MYRIP: variants seen among roughly 807,000 people sequenced by gnomAD.
MYRIP encodes rab effector MyRIP.
A neutral mutation model predicts 98.0 loss-of-function variants in MYRIP; 49 were observed. That is an observed-to-expected ratio of 0.50 (90% confidence interval 0.40 to 0.63). MYRIP has a LOEUF of 0.63. Among genes scored for constraint, MYRIP ranks in the 30% least tolerant of loss-of-function variants. The pLI is 0.00. For synonymous variants in MYRIP, 404 were observed against 409.5 expected, an observed-to-expected ratio of 0.99 and a Z score of 0.16; for missense variants, 1,004 against 1,058.2, an observed-to-expected ratio of 0.95 and a Z score of 0.71.
intron 1 of MYRIP, among the ~76,000 whole-genome samples, chr3:39,878,299 G>A (rs6790013): frequency 0.019 from 2,827 of 152,236 alleles, 86 homozygotes; most frequent in African/African-American, 0.064. Flanking sequence ...TGTGCTTCCC[G>A]AGTGAGGCAA....
intron 2 of MYRIP, among the ~76,000 whole-genome samples, chr3:40,024,831 A>G (rs56088590): frequency 0.015 from 2,247 of 152,292 alleles, 21 homozygotes; most frequent in Non-Finnish European, 0.02. Flanking sequence ...AGATGATCCA[A>G]TGGAGAGATG....
In MYRIP at chr3:39,842,985, C is replaced by T. The variant is rs544953029; in HGVS notation, c.-31+33069C>T. Among the ~76,000 whole-genome samples, 15 of 152,282 alleles carry T rather than the reference C, an allele frequency of 9.9e-5. No individual in the cohort carries two copies. In the East Asian group the frequency reaches 1.9e-3, roughly 20 times the overall value. On this transcript the variant is annotated intron_variant, in intron 1 of 16. Transcript: ENST00000302541. ...CTTTAATTATTTTTGAAGTTGCTAA[C>T]GTTAATTAAAGTTTGTGTCTGAACC...
intron 3 of MYRIP, among the ~76,000 whole-genome samples, chr3:40,116,798 AACCGTTAAAATG>A (rs1949292264): frequency 6.6e-6 from 1 of 152,264 alleles, no homozygotes; most frequent in South Asian, 2.1e-4. Flanking sequence ...GTATCCCAAA[AACCGTTAAAATG>A]ACTTGTTTAT....
intron 2 of MYRIP, among the ~76,000 whole-genome samples, chr3:40,034,461 C>T (rs1427868639): frequency 6.6e-6 from 1 of 151,818 alleles, no homozygotes; most frequent in Non-Finnish European, 1.5e-5. Context: ...AGCCAAAAGA[C>T]ACATGAAAAA....
intron 11 of MYRIP, among the ~76,000 whole-genome samples, chr3:40,215,518 G>A (rs1033996194): frequency 1.3e-5 from 2 of 152,124 alleles, no homozygotes; most frequent in African/African-American, 2.4e-5. Flanking sequence ...CAATCCTGGT[G>A]AATGGTGAAG....
intron 11 of MYRIP, among the ~76,000 whole-genome samples, chr3:40,230,216 G>C (rs1952610414): frequency 6.6e-6 from 1 of 152,158 alleles, no homozygotes; most frequent in Non-Finnish European, 1.5e-5. Flanking sequence ...TCTGGAGAAA[G>C]TCAGCTACCA....
In MYRIP at chr3:39,877,753, C is replaced by A. The variant is rs1254463632; in HGVS notation, c.-30-23034C>A. Among the ~76,000 whole-genome samples, 11 of 152,276 alleles carry A rather than the reference C, an allele frequency of 7.2e-5. 1 individual carries two copies. The highest frequency in any genetic ancestry group is 2.4e-4 in the African/African-American group (10 of 41,554). Reference sequence around the variant, plus strand: ...CATGTGAGGTGTCAGTCTGCCCCTACTGGGGGGTACCTCCCAGTTAGGCTG... The same window carrying A: ...CATGTGAGGTGTCAGTCTGCCCCTAATGGGGGGTACCTCCCAGTTAGGCTG... On this transcript the variant is annotated intron_variant, in intron 1 of 16. Coordinates refer to ENST00000302541, the MANE Select transcript of MYRIP (RefSeq NM_015460.4).
At chr3:40,004,011 A>G (rs1381563540) in intron 2 of MYRIP, among the ~76,000 whole-genome samples, 1 of 152,166 alleles carries the variant, frequency 6.6e-6, no homozygotes, top group Non-Finnish European at 1.5e-5. Flanking sequence ...CTTCTAGACA[A>G]GTTCAGAGAG....
At chr3:39,844,447 A>G (rs970506008) in intron 1 of MYRIP, among the ~76,000 whole-genome samples, 1 of 152,232 alleles carries the variant, frequency 6.6e-6, no homozygotes, top group African/African-American at 2.4e-5. Flanking sequence ...GTTGATTATG[A>G]GGAATTTCCC....
intron 3 of MYRIP, among the ~76,000 whole-genome samples, chr3:40,076,227 A>C (rs768127374): frequency 6.6e-6 from 1 of 152,090 alleles, no homozygotes; most frequent in Non-Finnish European, 1.5e-5. Context: ...AAAAATAAGA[A>C]ACTCCCAAAA....
At chr3:40,037,828 C>A (rs1947418051) in intron 2 of MYRIP, among the ~76,000 whole-genome samples, 1 of 152,084 alleles carries the variant, frequency 6.6e-6, no homozygotes, top group Non-Finnish European at 1.5e-5. Flanking sequence ...TTCTCTCTGG[C>A]TCACACTTTC....
At position 40,182,273 on chromosome 3, in the gene MYRIP, A is replaced by G. The variant is rs993877364; in HGVS notation, c.927A>G (p.Pro309=). ...GAGAAGAAGCCCTGAAGACCCCTCC[A>G]GTGGAGGCTCCATCGAGGCAGCCAA... The part of the protein sequence containing the change: ...ITGEEALKTP[P]VEAPSRQPRD... Residue 309 remains proline (P), a synonymous_variant, in exon 9 of 17, where the codon CCA becomes CCG. Transcript: ENST00000302541. 3.7e-6 allele frequency: 6 copies of G among 1,613,898 alleles called. No homozygotes were observed. The African/African-American group carries it at 5.3e-5, about 14-fold the overall frequency.
intron 3 of MYRIP, among the ~76,000 whole-genome samples, chr3:40,055,188 T>C (rs956591406): frequency 6.6e-6 from 1 of 152,196 alleles, no homozygotes; most frequent in Non-Finnish European, 1.5e-5. Context: ...TATCATATAA[T>C]CAATCAAGTA....
chr3:40,094,578 T>C (rs1948789380), intron 3 of MYRIP, among the ~76,000 whole-genome samples: 1 of 152,204 alleles, frequency 6.6e-6, no homozygotes, highest in Non-Finnish European at 1.5e-5. Context: ...ATCTCATGTT[T>C]AGTCACCTCC....
chr3:39,877,161 C>T (rs1322205835), intron 1 of MYRIP, among the ~76,000 whole-genome samples: 2 of 152,212 alleles, frequency 1.3e-5, no homozygotes, highest in African/African-American at 2.4e-5. Context: ...GCATTCTTCA[C>T]ATAGTTCTCG....
chr3:39,861,239 TC>T (rs1475033896), intron 1 of MYRIP, among the ~76,000 whole-genome samples: 1 of 152,068 alleles, frequency 6.6e-6, no homozygotes, highest in Non-Finnish European at 1.5e-5. Flanking sequence ...TGACCCTTGG[TC>T]CCCTAAATCT....
At chr3:40,147,554 A>G (rs1559420662) in intron 3 of MYRIP, among the ~76,000 whole-genome samples, 2 of 152,096 alleles carry the variant, frequency 1.3e-5, no homozygotes, top group African/African-American at 4.8e-5. Context: ...ATTCATGGAG[A>G]GAAAAAAAAC....
intron 1 of MYRIP, among the ~76,000 whole-genome samples, chr3:39,829,267 T>C (rs866356066): frequency 3.3e-5 from 5 of 152,234 alleles, no homozygotes; most frequent in Admixed American, 3.3e-4. Context: ...ATTGTGTTTC[T>C]TTAGATGTGT....
At chr3:40,231,077 G>A (rs1952641260) in intron 11 of MYRIP, among the ~76,000 whole-genome samples, 1 of 152,132 alleles carries the variant, frequency 6.6e-6, no homozygotes, top group Admixed American at 6.5e-5. Flanking sequence ...CACCCGCCTT[G>A]GCCTCCCAAA....
Sources: allele counts gnomAD v4.1 joint callset (sites outside exome capture counted in the v4.1 genomes callset), GRCh38; gene constraint gnomAD v4.1.1; transcripts MANE v1.5; gene names NCBI Gene and HGNC (gene_info 2026-07-23, HGNC 2026-07-21).